Variants in TRPS1 observed in about 807,000 individuals in gnomAD.
The protein encoded by TRPS1 is transcriptional repressor GATA binding 1.
Under a neutral mutation model 101.2 loss-of-function variants are expected in TRPS1, and 6 were observed. The ratio of observed to expected loss-of-function variants is 0.06; its 90% CI spans 0.03 to 0.12. TRPS1 has a LOEUF of 0.12. Among genes scored for constraint, TRPS1 ranks in the 10% least tolerant of loss-of-function variants. The pLI, the probability that TRPS1 is intolerant of heterozygous loss-of-function variation, is 1.00. For synonymous variants in TRPS1, 578 were observed against 589.8 expected (o/e 0.98, Z 0.29); for missense variants, 1,363 against 1,567.0 (o/e 0.87, Z 2.20).
intron 5 of TRPS1, among the ~76,000 whole-genome samples, chr8:115,529,406 A>G (rs1018290540): frequency 5.9e-5 from 9 of 152,144 alleles, no homozygotes; most frequent in Admixed American, 1.3e-4. Context: ...TACACGATAT[A>G]TATTTTCATT....
intron 5 of TRPS1, among the ~76,000 whole-genome samples, chr8:115,558,354 T>A (rs745714050): frequency 6.6e-6 from 1 of 152,142 alleles, no homozygotes; most frequent in Non-Finnish European, 1.5e-5. Flanking sequence ...TTCCAGATGA[T>A]TATAAATGAA....
At chr8:115,546,277 A>G (rs1816568346) in intron 5 of TRPS1, among the ~76,000 whole-genome samples, 1 of 151,990 alleles carries the variant, frequency 6.6e-6, no homozygotes, top group South Asian at 2.1e-4. Flanking sequence ...AAGCATTTGC[A>G]ATAGTTTTAA....
rs374893780 is a variant in TRPS1, at chr8:115,619,276, G to C, written c.822C>G (p.Asp274Glu). Residue 274 changes from aspartate to glutamate, a missense_variant, in exon 3 of 7, where the codon GAC becomes GAG. Physicochemically the swap from Asp to Glu is conservative, Grantham distance 45. This residue lies in a region of TRPS1 where 1,020 missense variants were observed against 1,073.0 expected (regional missense o/e 0.95). Transcript: ENST00000395715. The stretch of plus-strand genomic sequence containing the variant: ...TGTTATGAAGGGCCAAGATTTTGCT[G>C]TCCAGCTCAGCATCTTGCCTGGTGC... Reference protein sequence around the residue: ...HNRTRQDAELDSKILALHNMV... With the variant: ...HNRTRQDAELESKILALHNMV... 7 of 1,613,844 alleles carry C rather than the reference G, an allele frequency of 4.3e-6. No homozygotes were observed. Among genetic ancestry groups the C allele is most frequent in the Non-Finnish European group, 5.9e-6 (7 of 1,179,830 alleles).
At position 115,620,184 on chromosome 8, in the gene TRPS1, A is replaced by G. The variant is rs77566196; in HGVS notation, c.38-124T>C. On this transcript the variant is annotated intron_variant, in intron 2 of 6. Transcript: ENST00000395715. ...GCATAATCAAATGCTTCCTCTAGGAAAAAAAAAAAAACCCATTCTAAAAAC... is the reference window on the plus strand; with the variant it reads ...GCATAATCAAATGCTTCCTCTAGGAGAAAAAAAAAAACCCATTCTAAAAAC... 246 of 129,822 alleles carry G rather than the reference A, an allele frequency of 1.9e-3. 1 individual carries two copies. The African/African-American group carries it at 0.025, about 13-fold the overall frequency. 8.0% of individuals were successfully genotyped at this position (129,822 alleles called of 1,614,324 possible).
At position 115,413,982 on chromosome 8, in the gene TRPS1, A is replaced by G; in HGVS notation, c.*41T>C. 6.3e-7 allele frequency: 1 copy of G among 1,597,232 alleles called. No homozygotes were observed. The highest frequency in any genetic ancestry group is 8.5e-7 in the Non-Finnish European group (1 of 1,169,862). On this transcript the variant is annotated 3_prime_UTR_variant, in exon 7 of 7. Transcript: ENST00000395715. Reference sequence around the variant, plus strand: ...ATTACAAGCTATTGAATTCCCATCAAGAAAACCTATTTCTATTTAATTGTG... The same window carrying G: ...ATTACAAGCTATTGAATTCCCATCAGGAAAACCTATTTCTATTTAATTGTG...
chr8:115,520,916 C>T (rs1244342316), intron 5 of TRPS1, among the ~76,000 whole-genome samples: 1 of 151,744 alleles, frequency 6.6e-6, no homozygotes, highest in Admixed American at 6.6e-5. Context: ...CATATGTTTA[C>T]TCTATATTTG....
intron 1 of TRPS1, among the ~76,000 whole-genome samples, chr8:115,643,771 C>G (rs948491192): frequency 3.3e-5 from 5 of 152,184 alleles, no homozygotes; most frequent in Non-Finnish European, 5.9e-5. Flanking sequence ...GTTTTCAACT[C>G]ACTTTGTCCA....
At chr8:115,553,084 C>G (rs1442604280) in intron 5 of TRPS1, among the ~76,000 whole-genome samples, 1 of 152,022 alleles carries the variant, frequency 6.6e-6, no homozygotes, top group East Asian at 1.9e-4. Flanking sequence ...AAGCGTGTGT[C>G]CTAATGATAG....
At chr8:115,441,361 A>G (rs1325308452) in intron 5 of TRPS1, among the ~76,000 whole-genome samples, 1 of 152,208 alleles carries the variant, frequency 6.6e-6, no homozygotes, top group Non-Finnish European at 1.5e-5. Flanking sequence ...CTCTACTCAC[A>G]TCAAAAACAG....
chr8:115,617,720 C>T (rs1022999378), intron 3 of TRPS1, among the ~76,000 whole-genome samples: 3 of 152,178 alleles, frequency 2.0e-5, no homozygotes, highest in Non-Finnish European at 2.9e-5. Flanking sequence ...CATAGTTTGA[C>T]AGCAGAGTGT....
intron 5 of TRPS1, among the ~76,000 whole-genome samples, chr8:115,542,182 T>G (rs1455096022): frequency 6.6e-6 from 1 of 152,166 alleles, no homozygotes; most frequent in Non-Finnish European, 1.5e-5. Flanking sequence ...AGCGCCTTGA[T>G]TTTTCAAAGA....
chr8:115,666,863 ACC>A (rs1811932872), intron 1 of TRPS1, among the ~76,000 whole-genome samples: 1 of 106,828 alleles, frequency 9.4e-6, no homozygotes, highest in Admixed American at 9.4e-5. Flanking sequence ...TCTCTCCCAG[ACC>A]CTTTCCTTTC....
chr8:115,523,214 G>C, intron 5 of TRPS1, among the ~76,000 whole-genome samples: 1 of 152,174 alleles, frequency 6.6e-6, no homozygotes, highest in African/African-American at 2.4e-5. Flanking sequence ...ACCGGGAAAG[G>C]CAAGAGGCTT....
In TRPS1 at chr8:115,500,895, A is replaced by G. The variant is rs768169941; in HGVS notation, c.2701-82443T>C. 1.2e-4 allele frequency among the ~76,000 whole-genome samples: 18 copies of G among 152,206 alleles called. 1 individual carries two copies. In the South Asian group the frequency reaches 1.5e-3, roughly 12 times the overall value. On this transcript the variant is annotated intron_variant, in intron 5 of 6. Coordinates refer to ENST00000395715, the MANE Select transcript of TRPS1 (RefSeq NM_014112.5). ...ACCTGAACTTGGTTTTAATGACAAT[A>G]TAGTCCAGCGATGGCATCTATTCTT...
chr8:115,513,633 C>A (rs1586351735), intron 5 of TRPS1, among the ~76,000 whole-genome samples: 1 of 151,616 alleles, frequency 6.6e-6, no homozygotes, highest in South Asian at 2.1e-4. Context: ...TGTATGGCTA[C>A]TTTCATACTA....
At chr8:115,589,981 G>T (rs546481302) in intron 4 of TRPS1, among the ~76,000 whole-genome samples, 49 of 152,112 alleles carry the variant, frequency 3.2e-4, no homozygotes, top group Non-Finnish European at 5.0e-4. Context: ...GCTGGGTGTG[G>T]TGGCGGGAGC....
At chr8:115,447,622 A>G (rs994514611) in intron 5 of TRPS1, among the ~76,000 whole-genome samples, 1 of 152,160 alleles carries the variant, frequency 6.6e-6, no homozygotes, top group Admixed American at 6.5e-5. Context: ...TTTGGAGGAA[A>G]AAACTTCAGT....
chr8:115,431,474 CCTCT>C (rs1284034845), intron 5 of TRPS1, among the ~76,000 whole-genome samples: 2 of 151,992 alleles, frequency 1.3e-5, no homozygotes, highest in Non-Finnish European at 2.9e-5. Flanking sequence ...ATACATCTCT[CCTCT>C]CTTTCTTTCC....
At chr8:115,658,102 C>T (rs1371846753) in intron 1 of TRPS1, among the ~76,000 whole-genome samples, 1 of 152,108 alleles carries the variant, frequency 6.6e-6, no homozygotes, top group Non-Finnish European at 1.5e-5. Flanking sequence ...TTGGTCTCAG[C>T]ATAATTTTCT....
Sources: gnomAD v4.1 joint callset for allele counts (sites outside exome capture counted in the v4.1 genomes callset) on GRCh38, gnomAD v4.1.1 for gene constraint, gnomAD v4.1.1 regional missense constraint, MANE v1.5 for transcripts, NCBI Gene and HGNC (gene_info 2026-07-23, HGNC 2026-07-21) for gene names.